Variants in GPC5 observed in about 807,000 individuals in gnomAD.
The protein encoded by GPC5 is glypican-5.
A neutral mutation model predicts 53.9 loss-of-function variants in GPC5; 47 were observed. That is an observed-to-expected ratio of 0.87 (90% CI 0.69 to 1.11). The LOEUF is 1.11. GPC5 is among the 50% of genes most tolerant of loss of function. The pLI is 0.00. For missense variants in GPC5, 748 were observed against 713.1 expected, an observed-to-expected ratio of 1.05 and a Z score of -0.56; for synonymous variants, 286 against 263.3, an observed-to-expected ratio of 1.09 and a Z score of -0.84.
chr13:91,896,106 A>C (rs2039439091), intron 5 of GPC5, among the ~76,000 whole-genome samples: 1 of 148,400 alleles, frequency 6.7e-6, no homozygotes, highest in African/African-American at 2.5e-5. Context: ...CCCCATTTAA[A>C]ATTTTTTCTA....
chr13:92,255,485 T>A (rs7983117), intron 7 of GPC5, among the ~76,000 whole-genome samples: 1 of 151,820 alleles, frequency 6.6e-6, no homozygotes, highest in Non-Finnish European at 1.5e-5. Flanking sequence ...TATCTAGATG[T>A]ATAAACTTGA....
At chr13:92,037,392 G>A (rs1401815557) in intron 6 of GPC5, among the ~76,000 whole-genome samples, 2 of 152,074 alleles carry the variant, frequency 1.3e-5, no homozygotes, top group Non-Finnish European at 2.9e-5. Flanking sequence ...TCAAGGACCT[G>A]TTTTACAGTC....
intron 7 of GPC5, among the ~76,000 whole-genome samples, chr13:92,554,175 C>T (rs1212961821): frequency 2.0e-5 from 3 of 151,996 alleles, no homozygotes; most frequent in South Asian, 4.1e-4. Context: ...GGAAGTTGTA[C>T]ATTTCAAATA....
intron 6 of GPC5, among the ~76,000 whole-genome samples, chr13:92,032,119 A>G (rs1460512366): frequency 6.9e-6 from 1 of 145,950 alleles, no homozygotes; most frequent in Non-Finnish European, 1.5e-5. Context: ...GGAACAAATT[A>G]ATGGCATTCA....
At chr13:91,827,163 T>C (rs1469735602) in intron 5 of GPC5, among the ~76,000 whole-genome samples, 1 of 152,006 alleles carries the variant, frequency 6.6e-6, no homozygotes. Flanking sequence ...ATATTGTGTG[T>C]TTATATCAAC....
At chr13:92,419,168 G>T (rs891528018) in intron 7 of GPC5, among the ~76,000 whole-genome samples, 2 of 152,118 alleles carry the variant, frequency 1.3e-5, no homozygotes, top group Non-Finnish European at 1.5e-5. Context: ...TGCCACCTGG[G>T]TCATCAAAGG....
chr13:92,373,601 T>C (rs569935929), intron 7 of GPC5, among the ~76,000 whole-genome samples: 1 of 152,322 alleles, frequency 6.6e-6, no homozygotes, highest in East Asian at 1.9e-4. Flanking sequence ...TCATATTCTG[T>C]GATTATAAAT....
intron 1 of GPC5, among the ~76,000 whole-genome samples, chr13:91,432,627 A>G (rs74106748): frequency 0.012 from 1,755 of 152,284 alleles, 37 homozygotes; most frequent in African/African-American, 0.041. Flanking sequence ...ATCCAGAACA[A>G]TAAAAACTCA....
chr13:91,400,993 A>T (rs1480795834), intron 1 of GPC5, among the ~76,000 whole-genome samples: 1 of 152,214 alleles, frequency 6.6e-6, no homozygotes, highest in African/African-American at 2.4e-5. Flanking sequence ...TTGTTTCCCC[A>T]TTGCTAGTAG....
At chr13:91,468,023 G>A (rs985239240) in intron 2 of GPC5, among the ~76,000 whole-genome samples, 3 of 152,096 alleles carry the variant, frequency 2.0e-5, no homozygotes, top group African/African-American at 4.8e-5. Context: ...AGGTGGTATC[G>A]CTTCCTGCCC....
At chr13:92,276,304 C>A (rs1376299983) in intron 7 of GPC5, among the ~76,000 whole-genome samples, 2 of 152,124 alleles carry the variant, frequency 1.3e-5, no homozygotes, top group African/African-American at 4.8e-5. Context: ...TTGTGATCCA[C>A]AGTGCACCTA....
intron 2 of GPC5, among the ~76,000 whole-genome samples, chr13:91,682,561 C>T (rs941224137): frequency 3.3e-5 from 5 of 152,294 alleles, no homozygotes; most frequent in African/African-American, 1.2e-4. Flanking sequence ...CAAACCCTAT[C>T]AGAATGTACA....
intron 7 of GPC5, among the ~76,000 whole-genome samples, chr13:92,776,213 C>T (rs1875798319): frequency 6.6e-6 from 1 of 152,154 alleles, no homozygotes. Context: ...GCTCCCTCCT[C>T]TATCTTCAAG....
chr13:91,589,642 T>G lies in GPC5; in HGVS notation c.326-103545T>G, dbSNP rs1199368952. On this transcript the variant is annotated intron_variant, in intron 2 of 7. Coordinates refer to ENST00000377067, the MANE Select transcript of GPC5 (RefSeq NM_004466.6). ...CAAAAAGTTACTGGTTAGTACTGAT[T>G]GACAAAGGGTACAATTTTCAGTCCT... is the stretch of plus-strand genomic sequence containing the variant. Among the ~76,000 whole-genome samples the G allele has an allele frequency of 2.0e-5, 3 of 152,142 alleles. No homozygotes were observed. The East Asian group carries it at 5.8e-4, about 29-fold the overall frequency.
At chr13:91,629,485 G>A (rs750587917) in intron 2 of GPC5, among the ~76,000 whole-genome samples, 3 of 151,914 alleles carry the variant, frequency 2.0e-5, no homozygotes, top group Non-Finnish European at 4.4e-5. Flanking sequence ...TCTACTAAGA[G>A]TACAAAAATT....
At chr13:91,493,316 G>C (rs650365) in intron 2 of GPC5, among the ~76,000 whole-genome samples, 97,113 of 151,962 alleles carry the variant, frequency 0.64, 31,486 homozygotes, top group Non-Finnish European at 0.7. Flanking sequence ...GGGTATTTAT[G>C]CCCTCAAGCA....
At chr13:92,736,825 C>G (rs1047249389) in intron 7 of GPC5, among the ~76,000 whole-genome samples, 1 of 151,116 alleles carries the variant, frequency 6.6e-6, no homozygotes, top group Non-Finnish European at 1.5e-5. Flanking sequence ...TTTAAAGGAG[C>G]TTATTATTAA....
At chr13:92,030,930 G>A (rs1471613763) in intron 6 of GPC5, among the ~76,000 whole-genome samples, 1 of 152,108 alleles carries the variant, frequency 6.6e-6, no homozygotes, top group East Asian at 1.9e-4. Flanking sequence ...CAAAGTGTCT[G>A]GGAGCCTAAT....
chr13:92,435,898 C>T (rs533284470), intron 7 of GPC5, among the ~76,000 whole-genome samples: 3 of 152,210 alleles, frequency 2.0e-5, no homozygotes, highest in South Asian at 2.1e-4. Context: ...AAAACAACTT[C>T]GAATTCACAT....
Sources: gnomAD v4.1 joint callset for allele counts (sites outside exome capture counted in the v4.1 genomes callset) on GRCh38, gnomAD v4.1.1 for gene constraint, MANE v1.5 for transcripts, NCBI Gene and HGNC (gene_info 2026-07-23, HGNC 2026-07-21) for gene names.